TRAPPC9: variants seen among roughly 807,000 people sequenced by gnomAD.
TRAPPC9 encodes trafficking protein particle complex subunit 9, also known as IKK2 binding protein.
TRAPPC9 carries 83 observed loss-of-function variants against 124.0 expected under a neutral mutation model. That is an observed-to-expected ratio of 0.67 (90% CI 0.56 to 0.80). TRAPPC9 has a LOEUF of 0.80. TRAPPC9 is among the 30% of genes least tolerant of loss of function. The probability of loss-of-function intolerance (pLI) is 0.00; values close to 1 mark genes in which losing one functional copy is unlikely to be tolerated. For missense variants in TRAPPC9, 1,302 were observed against 1,508.3 expected, an observed-to-expected ratio of 0.86 and a Z score of 2.27; for synonymous variants, 638 against 617.5, an observed-to-expected ratio of 1.03 and a Z score of -0.49.
At chr8:140,423,288 A>C (rs1383324423) in intron 5 of TRAPPC9, among the ~76,000 whole-genome samples, 1 of 151,962 alleles carries the variant, frequency 6.6e-6, no homozygotes, top group Admixed American at 6.6e-5. Flanking sequence ...AATACAAAAA[A>C]AATTAGCCAG....
intron 9 of TRAPPC9, among the ~76,000 whole-genome samples, chr8:140,313,993 C>T (rs2066378538): frequency 6.6e-6 from 1 of 152,120 alleles, no homozygotes; most frequent in Admixed American, 6.5e-5. Context: ...ATTCAAGTGT[C>T]GGCTATAAAT....
At chr8:140,395,956 C>T (rs1347216099) in intron 7 of TRAPPC9, among the ~76,000 whole-genome samples, 2 of 152,072 alleles carry the variant, frequency 1.3e-5, no homozygotes, top group African/African-American at 2.4e-5. Flanking sequence ...ACCCTTTCCA[C>T]GTAGACTCCC....
Position 140,027,970 on chromosome 8 carries a change from G to A in TRAPPC9, c.2557-3891C>T, listed in dbSNP as rs192894700. 7.1e-3 allele frequency among the ~76,000 whole-genome samples: 1,082 copies of A among 152,136 alleles called. 14 individuals are homozygous for A. The highest frequency in any genetic ancestry group is 0.025 in the African/African-American group (1,040 of 41,490). On this transcript the variant is annotated intron_variant, in intron 17 of 22. Coordinates refer to ENST00000438773, the MANE Select transcript of TRAPPC9 (RefSeq NM_001160372.4). ...CCTCCCTCGACACGTGGGGATTATG[G>A]GGATTACAATTCAAGATGAGATTTG...
intron 21 of TRAPPC9, among the ~76,000 whole-genome samples, chr8:139,795,298 A>G (rs548888248): frequency 6.6e-6 from 1 of 152,128 alleles, no homozygotes; most frequent in Admixed American, 6.6e-5. Context: ...CACTGCCGAG[A>G]AGTCAGGAGA....
chr8:139,862,461 C>G (rs566707164), intron 21 of TRAPPC9, among the ~76,000 whole-genome samples: 1 of 152,352 alleles, frequency 6.6e-6, no homozygotes, highest in South Asian at 2.1e-4. Context: ...TCAGCAAGAG[C>G]TGCCTGGGAA....
At chr8:139,782,689 A>G (rs1254682481) in intron 21 of TRAPPC9, among the ~76,000 whole-genome samples, 1 of 152,224 alleles carries the variant, frequency 6.6e-6, no homozygotes, top group East Asian at 1.9e-4. Flanking sequence ...AAAAGACTGA[A>G]ATGACATTGT....
At chr8:140,325,723 A>C (rs2066717882) in intron 9 of TRAPPC9, among the ~76,000 whole-genome samples, 1 of 152,244 alleles carries the variant, frequency 6.6e-6, no homozygotes, top group African/African-American at 2.4e-5. Context: ...CTCTTTCAGA[A>C]AACAAAGGAG....
At chr8:140,133,467 G>C (rs2061240932) in intron 17 of TRAPPC9, among the ~76,000 whole-genome samples, 1 of 152,222 alleles carries the variant, frequency 6.6e-6, no homozygotes, top group Non-Finnish European at 1.5e-5. Flanking sequence ...ATACTCAACA[G>C]AGAAAGACTG....
At chr8:139,908,119 G>A (rs1184831333) in intron 20 of TRAPPC9, among the ~76,000 whole-genome samples, 1 of 152,188 alleles carries the variant, frequency 6.6e-6, no homozygotes, top group Non-Finnish European at 1.5e-5. Context: ...GGGAGGGGAG[G>A]GGAGGGCTCA....
intron 18 of TRAPPC9, among the ~76,000 whole-genome samples, chr8:139,997,292 G>A (rs921011317): frequency 2.0e-5 from 3 of 151,758 alleles, no homozygotes; most frequent in Non-Finnish European, 2.9e-5. Flanking sequence ...ACCCTACACA[G>A]AGAAGACAAT....
At chr8:140,316,871 ACTT>A (rs2131915048) in intron 9 of TRAPPC9, among the ~76,000 whole-genome samples, 1 of 152,128 alleles carries the variant, frequency 6.6e-6, no homozygotes, top group South Asian at 2.1e-4. Context: ...TTGATGGGAG[ACTT>A]CTTATTACTG....
intron 4 of TRAPPC9, among the ~76,000 whole-genome samples, chr8:140,433,304 AC>A (rs890661302): frequency 7.9e-5 from 12 of 151,136 alleles, no homozygotes; most frequent in African/African-American, 1.9e-4. Flanking sequence ...AAAACAACAC[AC>A]AGGCCAGGAG....
chr8:139,779,234 A>T (rs1039147010), intron 21 of TRAPPC9, among the ~76,000 whole-genome samples: 2 of 152,170 alleles, frequency 1.3e-5, no homozygotes, highest in Non-Finnish European at 2.9e-5. Context: ...AGAACTGTTA[A>T]CCTAGAATTC....
chr8:140,443,161 C>T (rs574332565), intron 2 of TRAPPC9, among the ~76,000 whole-genome samples: 16 of 135,922 alleles, frequency 1.2e-4, no homozygotes, highest in Admixed American at 5.3e-4. Flanking sequence ...AAAAGCCAGG[C>T]GCGGTGGCTC....
intron 3 of TRAPPC9, among the ~76,000 whole-genome samples, chr8:140,436,754 G>T (rs2070828612): frequency 6.6e-6 from 1 of 152,228 alleles, no homozygotes; most frequent in East Asian, 1.9e-4. Flanking sequence ...CCCACTGGGA[G>T]ATGCACAGAT....
rs1014293332 is a variant in TRAPPC9, at chr8:139,729,101, C to A, written c.*1960G>T. On this transcript the variant is annotated 3_prime_UTR_variant, in exon 23 of 23. Coordinates refer to ENST00000438773, the MANE Select transcript of TRAPPC9 (RefSeq NM_001160372.4). ...AAAGGAAAGTACGTACTCAAGTCCC[C>A]GGTGACCAGCACCCTCATGCTGACA... 6.6e-6 allele frequency among the ~76,000 whole-genome samples: 1 copy of A among 152,194 alleles called. No individual in the cohort carries two copies. Among genetic ancestry groups the A allele is most frequent in the East Asian group, 1.9e-4 (1 of 5,188 alleles).
intron 16 of TRAPPC9, among the ~76,000 whole-genome samples, chr8:140,247,765 T>C (rs1044966534): frequency 6.6e-6 from 1 of 152,178 alleles, no homozygotes; most frequent in Non-Finnish European, 1.5e-5. Flanking sequence ...TCGATTCTTT[T>C]TTCTTCTCTC....
intron 9 of TRAPPC9, among the ~76,000 whole-genome samples, chr8:140,338,340 A>G (rs1334285750): frequency 6.6e-6 from 1 of 152,214 alleles, no homozygotes; most frequent in African/African-American, 2.4e-5. Flanking sequence ...TACCACTTCC[A>G]AAAGAGCAAC....
At chr8:140,453,404 C>T (rs938322970) in intron 1 of TRAPPC9, among the ~76,000 whole-genome samples, 1 of 147,276 alleles carries the variant, frequency 6.8e-6, no homozygotes, top group South Asian at 2.2e-4. Context: ...GTAAAACCCT[C>T]CCAGGTGACA....
Sources: allele counts gnomAD v4.1 joint callset (sites outside exome capture counted in the v4.1 genomes callset), GRCh38; gene constraint gnomAD v4.1.1; transcripts MANE v1.5; gene names NCBI Gene and HGNC (gene_info 2026-07-23, HGNC 2026-07-21).